CRADD: variants seen among roughly 807,000 people sequenced by gnomAD.
CRADD encodes the protein CARD and death domain containing adaptor protein.
In CRADD, 9 loss-of-function variants were observed where a neutral mutation model predicts 15.5. The ratio of observed to expected loss-of-function variants is 0.58; its 90% CI spans 0.35 to 1.01. The LOEUF (loss-of-function observed/expected upper bound fraction) is 1.01, where lower values mean the gene tolerates loss of function less well. Ranked by LOEUF, CRADD falls within the 50% of genes least tolerant of loss-of-function variation. The probability of loss-of-function intolerance (pLI) is 0.02; values close to 1 mark genes in which losing one functional copy is unlikely to be tolerated. For missense variants in CRADD, 227 were observed against 250.3 expected (o/e 0.91, Z 0.63); for synonymous variants, 118 against 107.6 (o/e 1.10, Z -0.60).
At chr12:93,809,975 T>C (rs953016571) in intron 2 of CRADD, among the ~76,000 whole-genome samples, 2 of 152,186 alleles carry the variant, frequency 1.3e-5, no homozygotes, top group African/African-American at 4.8e-5. Context: ...GCTCAACAAC[T>C]GAAAAGTTGT....
intron 2 of CRADD, among the ~76,000 whole-genome samples, chr12:93,890,763 CTT>C (rs571133896): frequency 7.6e-5 from 11 of 144,294 alleles, no homozygotes; most frequent in East Asian, 6.1e-4. Flanking sequence ...TTCTTTCTTT[CTT>C]TTTTTTTTTT....
At chr12:93,874,262 T>C (rs1319854094) in intron 2 of CRADD, among the ~76,000 whole-genome samples, 1 of 152,148 alleles carries the variant, frequency 6.6e-6, no homozygotes, top group Non-Finnish European at 1.5e-5. Flanking sequence ...TAATGGTCCT[T>C]TGAAATTCTG....
At chr12:93,685,242 T>G (rs1267427182) in intron 2 of CRADD, among the ~76,000 whole-genome samples, 1 of 152,102 alleles carries the variant, frequency 6.6e-6, no homozygotes, top group East Asian at 1.9e-4. Flanking sequence ...AATACATGAC[T>G]TTTAGAGACT....
Position 93,741,394 on chromosome 12 carries a change from A to G in CRADD, c.298+62322A>G, listed in dbSNP as rs181705179. On this transcript the variant is annotated intron_variant, in intron 2 of 2. Transcript: ENST00000332896. ...CAGTTTACTAGAAAGCATGACACAT[A>G]TAAATTAGCGACTAAGGATTATAGC... Among the ~76,000 whole-genome samples the G allele has an allele frequency of 2.5e-3, 379 of 152,382 alleles. 1 individual carries two copies. The highest frequency in any genetic ancestry group is 8.4e-3 in the African/African-American group (349 of 41,586).
intron 2 of CRADD, among the ~76,000 whole-genome samples, chr12:93,877,557 T>G (rs1958465960): frequency 6.6e-6 from 1 of 152,218 alleles, no homozygotes; most frequent in Non-Finnish European, 1.5e-5. Context: ...TGCAGATCAG[T>G]GCACAAGATG....
chr12:93,881,443 G>A (rs868279204), intron 2 of CRADD, among the ~76,000 whole-genome samples: 2 of 144,168 alleles, frequency 1.4e-5, no homozygotes, highest in African/African-American at 2.5e-5. Flanking sequence ...AAAGTGTGGG[G>A]GGGGGGTGGG....
In CRADD at chr12:93,893,490, A is replaced by C. The variant is rs143422790; in HGVS notation, c.299-560A>C. On this transcript the variant is annotated intron_variant, in intron 2 of 2. Coordinates refer to the CRADD transcript ENST00000548483. The stretch of plus-strand genomic sequence containing the variant: ...GACACGGCATACTTATTCTTGTTAG[A>C]AGTCAGAAGAAAAAAAATAAAGAGA... Among the ~76,000 whole-genome samples the C allele has an allele frequency of 7.4e-3, 1,125 of 152,188 alleles. 10 individuals carry two copies. The highest frequency in any genetic ancestry group is 0.026 in the African/African-American group (1,064 of 41,484).
intron 2 of CRADD, among the ~76,000 whole-genome samples, chr12:93,717,519 C>T (rs895593433): frequency 9.2e-5 from 14 of 152,060 alleles, no homozygotes; most frequent in Admixed American, 7.2e-4. Context: ...ACATTTAGGT[C>T]TGTGATCTAT....
At chr12:93,745,746 T>C (rs61928998) in intron 2 of CRADD, among the ~76,000 whole-genome samples, 5,547 of 152,334 alleles carry the variant, frequency 0.036, 154 homozygotes, top group South Asian at 0.065. Context: ...GTGGGCATTT[T>C]GGTATAGAAG....
chr12:93,827,896 GTA>G (rs1957842448), intron 2 of CRADD, among the ~76,000 whole-genome samples: 1 of 152,154 alleles, frequency 6.6e-6, no homozygotes, highest in South Asian at 2.1e-4. Context: ...CCTTCCCCCA[GTA>G]GTGGTTCCCT....
chr12:93,888,442 A>C (rs1958553785), intron 2 of CRADD, among the ~76,000 whole-genome samples: 1 of 143,280 alleles, frequency 7.0e-6, no homozygotes, highest in Non-Finnish European at 1.5e-5. Context: ...AAAAAAAAAG[A>C]TAGAGATGGC....
At chr12:93,853,149 AT>A (rs996426899), downstream of CRADD, among the ~76,000 whole-genome samples, 46 of 151,256 alleles carry the variant, frequency 3.0e-4, no homozygotes, top group Middle Eastern at 3.4e-3. Flanking sequence ...TAATACACTT[AT>A]TTTTTTTTGT....
At chr12:93,684,514 C>T (rs1444478956) in intron 2 of CRADD, among the ~76,000 whole-genome samples, 1 of 152,084 alleles carries the variant, frequency 6.6e-6, no homozygotes, top group African/African-American at 2.4e-5. Flanking sequence ...AGGCCACGGA[C>T]CGGTATGGGA....
At chr12:93,681,032 G>A (rs1264080065) in intron 2 of CRADD, among the ~76,000 whole-genome samples, 11 of 152,082 alleles carry the variant, frequency 7.2e-5, no homozygotes, top group Admixed American at 7.2e-4. Flanking sequence ...TTACAGGCAT[G>A]TGCCACCATG....
intron 2 of CRADD, among the ~76,000 whole-genome samples, chr12:93,808,121 G>C (rs2137004522): frequency 1.3e-5 from 2 of 152,076 alleles, no homozygotes; most frequent in South Asian, 4.2e-4. Flanking sequence ...TGAGGTGGAG[G>C]AGTGAGCTGT....
chr12:93,815,858 C>G (rs1364759270), intron 2 of CRADD: 1 of 152,222 alleles, frequency 6.6e-6, no homozygotes, highest in Non-Finnish European at 1.5e-5. Context: ...TCTCTCCTTT[C>G]TTTTCCAGGA....
At chr12:93,799,236 T>C (rs1957452479) in intron 2 of CRADD, among the ~76,000 whole-genome samples, 1 of 152,218 alleles carries the variant, frequency 6.6e-6, no homozygotes, top group Admixed American at 6.5e-5. Context: ...TTATTCTGGA[T>C]CATCTTCCAA....
chr12:93,876,381 CT>C (rs1163206684), intron 2 of CRADD, among the ~76,000 whole-genome samples: 1 of 152,146 alleles, frequency 6.6e-6, no homozygotes, highest in African/African-American at 2.4e-5. Context: ...GGGAAGTTCT[CT>C]GATATTATTC....
At chr12:93,729,783 C>A in intron 2 of CRADD, among the ~76,000 whole-genome samples, 1 of 131,202 alleles carries the variant, frequency 7.6e-6, no homozygotes. Context: ...GAGACTCCGT[C>A]TCAAAAAAAA....
Sources: allele counts gnomAD v4.1 joint callset (sites outside exome capture counted in the v4.1 genomes callset), GRCh38; gene constraint gnomAD v4.1.1; transcripts MANE v1.5; gene names NCBI Gene and HGNC (gene_info 2026-07-23, HGNC 2026-07-21).